The following PDE4D variants were observed in gnomAD, a reference collection of about 807,000 sequenced individuals.
The protein encoded by PDE4D is phosphodiesterase 4D, also known as 3',5'-cyclic-AMP phosphodiesterase 4D.
In PDE4D, 24 loss-of-function variants were observed where a neutral mutation model predicts 87.4. The observed-to-expected ratio is 0.27, with a 90% CI of 0.20 to 0.39. PDE4D has a LOEUF of 0.39. Among genes scored for constraint, PDE4D ranks in the 10% least tolerant of loss-of-function variants. The pLI is 1.00. For missense variants in PDE4D, 714 were observed against 1,041.0 expected, an observed-to-expected ratio of 0.69 and a Z score of 4.32; for synonymous variants, 384 against 383.2, an observed-to-expected ratio of 1.00 and a Z score of -0.02.
chr5:60,112,874 C>G (rs1247899029), intron 2 of PDE4D, among the ~76,000 whole-genome samples: 1 of 152,078 alleles, frequency 6.6e-6, no homozygotes, highest in Admixed American at 6.6e-5. Flanking sequence ...TTGCCTCATT[C>G]TGTAACGCCA....
chr5:59,817,748 C>A (rs553271590), intron 1 of PDE4D, among the ~76,000 whole-genome samples: 1 of 150,848 alleles, frequency 6.6e-6, no homozygotes, highest in African/African-American at 2.4e-5. Flanking sequence ...CCACACCCCC[C>A]CCCACACACA....
At chr5:60,101,101 T>C (rs568398093) in intron 2 of PDE4D, among the ~76,000 whole-genome samples, 18 of 152,078 alleles carry the variant, frequency 1.2e-4, no homozygotes, top group Non-Finnish European at 2.2e-4. Flanking sequence ...TAAATTGATA[T>C]GGTTATTTGT....
intron 1 of PDE4D, among the ~76,000 whole-genome samples, chr5:59,871,408 G>A (rs1293183145): frequency 1.3e-5 from 2 of 152,150 alleles, no homozygotes; most frequent in African/African-American, 4.8e-5. Flanking sequence ...AGCCTTTTGA[G>A]ACCCTGAACA....
rs905244056 is a variant in PDE4D at position 59,178,980 on chromosome 5, A to C, written c.808+1615T>G. Among the ~76,000 whole-genome samples the C allele has an allele frequency of 3.5e-4, 54 of 152,286 alleles. 1 individual carries two copies. The highest frequency in any genetic ancestry group is 1.3e-3 in the African/African-American group (52 of 41,560). ...CCTCAACTTAGGAAAGTGCATAGAA[A>C]CAGAGGGATCCGGTTCCACACCTCC... is the stretch of plus-strand genomic sequence containing the variant. On this transcript the variant is annotated intron_variant, in intron 5 of 14. Coordinates refer to ENST00000340635, the MANE Select transcript of PDE4D (RefSeq NM_001104631.2).
At chr5:60,440,106 C>T (rs754940634) in intron 1 of PDE4D, among the ~76,000 whole-genome samples, 18 of 152,058 alleles carry the variant, frequency 1.2e-4, no homozygotes, top group South Asian at 2.1e-4. Context: ...AGAGTCTTTG[C>T]GAGGTAACAG....
At chr5:59,942,812 G>T (rs1480831577) in intron 3 of PDE4D, among the ~76,000 whole-genome samples, 1 of 133,146 alleles carries the variant, frequency 7.5e-6, no homozygotes, top group Non-Finnish European at 1.5e-5. Context: ...TTGCAAGGGA[G>T]ACAAGAGATG....
At chr5:59,370,676 A>G (rs1783803437) in intron 1 of PDE4D, among the ~76,000 whole-genome samples, 1 of 152,180 alleles carries the variant, frequency 6.6e-6, no homozygotes, top group African/African-American at 2.4e-5. Context: ...CCTCCCCACA[A>G]AAAATTAAAT....
intron 1 of PDE4D, among the ~76,000 whole-genome samples, chr5:60,354,744 T>C (rs955314993): frequency 4.6e-5 from 7 of 152,184 alleles, no homozygotes; most frequent in Admixed American, 6.5e-5. Context: ...TTTTTTTCAA[T>C]GTAATTGGTC....
At chr5:59,857,908 G>A (rs553951967) in intron 1 of PDE4D, among the ~76,000 whole-genome samples, 9 of 134,054 alleles carry the variant, frequency 6.7e-5, no homozygotes, top group Non-Finnish European at 9.6e-5. Flanking sequence ...AAAGAAGGAA[G>A]GGGGGAGGGA....
intron 2 of PDE4D, among the ~76,000 whole-genome samples, chr5:60,098,769 T>A (rs1775949238): frequency 6.6e-6 from 1 of 152,080 alleles, no homozygotes; most frequent in Admixed American, 6.6e-5. Context: ...CTTCCATTTC[T>A]TGCCTAGTGG....
chr5:59,603,066 TA>T (rs910467706), intron 1 of PDE4D, among the ~76,000 whole-genome samples: 3 of 151,660 alleles, frequency 2.0e-5, no homozygotes, highest in African/African-American at 7.3e-5. Flanking sequence ...AATGTAAGAA[TA>T]GGGGAAAAGC....
At position 60,515,837 on chromosome 5, in the gene PDE4D, A is replaced by C. The variant is rs16878197; in HGVS notation, n.70+6214T>G. On this transcript the variant is annotated intron_variant and non_coding_transcript_variant, in intron 1 of 2. Transcript: ENST00000506510. The stretch of plus-strand genomic sequence containing the variant: ...AAAAGAAGAGAATACAAATCATGAA[A>C]GTACATTGTGTGCAATAGGTTGAAC... 3.0e-3 allele frequency among the ~76,000 whole-genome samples: 457 copies of C among 152,202 alleles called. 4 individuals carry two copies. The highest frequency in any genetic ancestry group is 0.01 in the African/African-American group (430 of 41,480).
intron 2 of PDE4D, among the ~76,000 whole-genome samples, chr5:60,004,698 T>C (rs1055657044): frequency 6.6e-6 from 1 of 152,004 alleles, no homozygotes; most frequent in Non-Finnish European, 1.5e-5. Context: ...GACATACAAA[T>C]GGCCAAAAGG....
chr5:59,144,250 C>T (rs934536675), intron 5 of PDE4D, among the ~76,000 whole-genome samples: 1 of 152,202 alleles, frequency 6.6e-6, no homozygotes, highest in African/African-American at 2.4e-5. Flanking sequence ...CTCTGACCAA[C>T]CATGACCTCT....
intron 3 of PDE4D, among the ~76,000 whole-genome samples, chr5:59,903,277 C>G (rs1467404135): frequency 6.6e-6 from 1 of 151,810 alleles, no homozygotes; most frequent in Non-Finnish European, 1.5e-5. Context: ...AGGACAGTTG[C>G]CTAAGGATTA....
chr5:60,377,297 C>G (rs1251173079), intron 1 of PDE4D, among the ~76,000 whole-genome samples: 2 of 152,146 alleles, frequency 1.3e-5, no homozygotes, highest in African/African-American at 2.4e-5. Flanking sequence ...GTCAGCATAT[C>G]GTGGACACTC....
At chr5:59,929,072 A>C (rs1397371246) in intron 3 of PDE4D, among the ~76,000 whole-genome samples, 1 of 151,518 alleles carries the variant, frequency 6.6e-6, no homozygotes, top group African/African-American at 2.4e-5. Flanking sequence ...TTTTCAATAT[A>C]TGTGTGTGTG....
In PDE4D at chr5:60,222,093, G is replaced by T. The variant is rs557756066; in HGVS notation, c.-89-36406C>A. Among the ~76,000 whole-genome samples the T allele has an allele frequency of 4.6e-5, 7 of 152,118 alleles. No homozygotes were observed. In the East Asian group the frequency reaches 1.4e-3, roughly 29 times the overall value. On this transcript the variant is annotated intron_variant, in intron 1 of 16. Coordinates refer to the PDE4D transcript ENST00000502484. ...TAGGACTAATTTATGAAATTAATAG[G>T]ATATTTCACAAAACTATGGAGTATG...
intron 1 of PDE4D, among the ~76,000 whole-genome samples, chr5:59,322,288 A>T (rs1481830763): frequency 1.3e-5 from 2 of 152,088 alleles, no homozygotes; most frequent in Admixed American, 6.6e-5. Context: ...ATTGCTGGTG[A>T]TTGAGGGAAC....
Sources: allele counts gnomAD v4.1 joint callset (sites outside exome capture counted in the v4.1 genomes callset), GRCh38; gene constraint gnomAD v4.1.1; transcripts MANE v1.5; gene names NCBI Gene and HGNC (gene_info 2026-07-23, HGNC 2026-07-21).